The following TARS1 variants were observed in gnomAD, a reference collection of about 807,000 sequenced individuals.
TARS1 encodes threonine--tRNA ligase 1, cytoplasmic.
In TARS1, 57 loss-of-function variants were observed where a neutral mutation model predicts 97.7. That is an observed-to-expected ratio of 0.58 (90% CI 0.47 to 0.73). The LOEUF (loss-of-function observed/expected upper bound fraction) is 0.73, where lower values mean the gene tolerates loss of function less well. Among genes scored for constraint, TARS1 ranks in the 30% least tolerant of loss-of-function variants. TARS1 has a pLI of 0.00. For synonymous variants in TARS1, 312 were observed against 293.7 expected (o/e 1.06, Z -0.64); for missense variants, 806 against 888.3 (o/e 0.91, Z 1.18).
chr5:33,445,377 A>G lies in TARS1; in HGVS notation c.111A>G (p.Glu37=), dbSNP rs747988916. The G allele has an allele frequency of 1.9e-6, 3 of 1,613,550 alleles. No homozygotes were observed. The South Asian group carries it at 3.3e-5, about 18-fold the overall frequency. The change falls in exon 2 of 19, where the codon GAA becomes GAG. Residue 37 remains glutamate, a synonymous_variant. Transcript: ENST00000265112. The part of the protein sequence containing the change: ...QKEGGKKKNK[E]GSGDGGRAEL... ...AAGGAGGCAAAAAGAAGAACAAAGA[A>G]GGATCTGGAGATGGAGGTCGAGCTG...
intron 4 of TARS1, among the ~76,000 whole-genome samples, chr5:33,453,909 G>A (rs571468903): frequency 6.6e-6 from 1 of 151,870 alleles, no homozygotes; most frequent in East Asian, 1.9e-4. Flanking sequence ...TAGTAGAGAT[G>A]GGGTTTCACC....
rs759201189 is a variant in TARS1 at position 33,461,629 on chromosome 5, C to T, written c.1552-38C>T. The T allele has an allele frequency of 2.2e-5, 35 of 1,570,704 alleles. No individual in the cohort carries two copies. The South Asian group carries it at 2.4e-4, about 11-fold the overall frequency. On this transcript the variant is annotated intron_variant, in intron 13 of 18. Coordinates refer to ENST00000265112, the MANE Select transcript of TARS1 (RefSeq NM_152295.5). ...AATTAGGCTAAAAGAAGGGAAATTG[C>T]GATGAAAAAAATAAAAATCATTTTG...
intron 3 of TARS1, among the ~76,000 whole-genome samples, chr5:33,449,730 C>T (rs1741635258): frequency 6.6e-6 from 1 of 152,070 alleles, no homozygotes; most frequent in African/African-American, 2.4e-5. Context: ...GCTGGGATTA[C>T]AGGCGTGACC....
At chr5:33,442,584 G>T (rs940704937) in intron 1 of TARS1, among the ~76,000 whole-genome samples, 1 of 152,046 alleles carries the variant, frequency 6.6e-6, no homozygotes, top group African/African-American at 2.4e-5. Flanking sequence ...CACTCAGGCT[G>T]GAGTGCCGTG....
intron 6 of TARS1, 36 bp from the exon 7 acceptor site, chr5:33,455,966 A>G (rs1041873972): frequency 3.2e-6 from 5 of 1,584,532 alleles, no homozygotes; most frequent in South Asian, 1.1e-5. Context: ...AAATTAAAGG[A>G]CAGTTTTTTA....
upstream of TARS1, chr5:33,440,956 G>T (rs1741053409): frequency 1.6e-5 from 17 of 1,072,050 alleles, no homozygotes; most frequent in Non-Finnish European, 2.2e-5. Context: ...CGGGGTTAGG[G>T]CGCCTTTCGA....
intron 9 of TARS1, among the ~76,000 whole-genome samples, chr5:33,457,734 A>C (rs904525508): frequency 1.3e-5 from 2 of 152,246 alleles, no homozygotes; most frequent in Admixed American, 1.3e-4. Flanking sequence ...TGACTCATTT[A>C]AAATGTGGAA....
rs57691465 is a variant in TARS1 at position 33,449,445 on chromosome 5, C to CTTTTTT, written c.329+734_329+739dup. 6.2e-3 allele frequency among the ~76,000 whole-genome samples: 430 copies of CTTTTTT among 69,168 alleles called. 26 individuals carry two copies. The highest frequency in any genetic ancestry group is 0.033 in the Middle Eastern group (2 of 60). 45.4% of individuals were successfully genotyped at this position (69,168 alleles called of 152,430 possible). ...AATAAAAATGATTCTTTTTTTCTTT[C>CTTTTTT]TTTTTTTTTTTTTTTTTTTTTTTTT... On this transcript the variant is annotated intron_variant, in intron 3 of 18. Coordinates refer to ENST00000265112, the MANE Select transcript of TARS1 (RefSeq NM_152295.5).
rs368587371 is a variant in TARS1, at chr5:33,462,012, T to C, written c.1730+6T>C. ...TTTAATCTTACTTATGTAAGGTGAG[T>C]TTCTGGTGTCTGCTCTGAATATTCT... On this transcript the variant is annotated splice_donor_region_variant and intron_variant, in intron 15 of 18. Transcript: ENST00000265112. 6.2e-7 allele frequency: 1 copy of C among 1,613,006 alleles called. No homozygotes were observed. The highest frequency in any genetic ancestry group is 8.5e-7 in the Non-Finnish European group (1 of 1,179,190).
intron 1 of TARS1, among the ~76,000 whole-genome samples, chr5:33,443,306 C>CCTCCCT (rs1741211866): frequency 1.2e-5 from 1 of 85,512 alleles, no homozygotes; most frequent in African/African-American, 4.4e-5. Flanking sequence ...GTGGTGATTC[C>CCTCCCT]CTCTCTCTCT....
chr5:33,445,331 C>T lies in TARS1; in HGVS notation c.65C>T (p.Ala22Val), dbSNP rs1472520821. 6.2e-7 allele frequency: 1 copy of T among 1,611,380 alleles called. No homozygotes were observed. ...KMGGEEKPIG[A>V]GEEKQKEGGK... is the part of the protein sequence containing the mutation. ...CGTTTTTTGCTTATTTAGATTGGTGCTGGTGAAGAGAAGCAAAAGGAAGGA... is the reference window on the plus strand; with the variant it reads ...CGTTTTTTGCTTATTTAGATTGGTGTTGGTGAAGAGAAGCAAAAGGAAGGA... Residue 22 changes from alanine to valine, a missense_variant, in exon 2 of 19, where the codon GCT becomes GTT. Ala to Val is a moderately conservative substitution (Grantham distance 64, BLOSUM62 0). Coordinates refer to ENST00000265112, the MANE Select transcript of TARS1 (RefSeq NM_152295.5).
At chr5:33,465,352 G>T (rs569131231) in intron 17 of TARS1, among the ~76,000 whole-genome samples, 2 of 152,268 alleles carry the variant, frequency 1.3e-5, no homozygotes, top group East Asian at 3.9e-4. Context: ...TCCAGATTAT[G>T]TGGTGGTAAG....
At chr5:33,465,828 T>G (rs996873282) in intron 17 of TARS1, among the ~76,000 whole-genome samples, 5 of 152,206 alleles carry the variant, frequency 3.3e-5, no homozygotes, top group Admixed American at 3.3e-4. Context: ...ATTTAGAATC[T>G]TTTTCAATCA....
intron 16 of TARS1, among the ~76,000 whole-genome samples, chr5:33,463,442 A>G (rs530227070): frequency 4.6e-5 from 7 of 152,324 alleles, no homozygotes; most frequent in African/African-American, 7.2e-5. Context: ...CTCACAGCCA[A>G]TACACAGTGT....
At chr5:33,452,486 C>A in intron 3 of TARS1, 2 of 1,404,732 alleles carry the variant, frequency 1.4e-6, no homozygotes, top group Non-Finnish European at 1.9e-6. Flanking sequence ...CTGACCTGTA[C>A]TGCTTTCCCT....
intron 18 of TARS1, 80 bp downstream of exon 18, chr5:33,467,065 T>C: frequency 1.4e-6 from 1 of 697,916 alleles, no homozygotes; most frequent in Non-Finnish European, 2.2e-6. Context: ...TTTAAGTGAA[T>C]TGTAATCAAG....
chr5:33,446,543 A>G (rs1741427505), intron 2 of TARS1: 2 of 493,154 alleles, frequency 4.1e-6, no homozygotes, highest in Non-Finnish European at 7.6e-6. Context: ...ATTTATGTTT[A>G]ACGATTGGTC....
intron 18 of TARS1, among the ~76,000 whole-genome samples, 171 bp downstream of exon 18, chr5:33,467,156 C>A: frequency 7.8e-6 from 1 of 128,532 alleles, no homozygotes. Context: ...TAGGCTCATG[C>A]ATACATACTG....
In TARS1 at chr5:33,448,685, G is replaced by A; in HGVS notation, c.283G>A (p.Ala95Thr). The A allele has an allele frequency of 6.2e-7, 1 of 1,613,800 alleles. No homozygotes were observed. The highest frequency in any genetic ancestry group is 8.5e-7 in the Non-Finnish European group (1 of 1,179,858). ...TTTGCCTGATGGTAAACAGGTTGAT[G>A]CGGAATCTTGGAAAACTACACCATA... is the stretch of plus-strand genomic sequence containing the variant. ...VTLPDGKQVD[A>T]ESWKTTPYQI... Residue 95 changes from alanine (A) to threonine (T), a missense_variant, in exon 3 of 19, where the codon GCG becomes ACG. Physicochemically the swap from Ala to Thr is moderately conservative, Grantham distance 58. This residue lies in a region of TARS1 where 356 missense variants were observed against 357.8 expected (regional missense o/e 0.99). Transcript: ENST00000265112.
Sources: gnomAD v4.1 joint callset for allele counts (sites outside exome capture counted in the v4.1 genomes callset) on GRCh38, gnomAD v4.1.1 for gene constraint, gnomAD v4.1.1 regional missense constraint, MANE v1.5 for transcripts, NCBI Gene and HGNC (gene_info 2026-07-23, HGNC 2026-07-21) for gene names.